NRXN2: variants seen among roughly 807,000 people sequenced by gnomAD.
NRXN2 encodes the protein neurexin-2-beta.
A neutral mutation model predicts 128.8 loss-of-function variants in NRXN2; 29 were observed. That is an observed-to-expected ratio of 0.23 (90% CI 0.17 to 0.31). The LOEUF is 0.31. Among genes scored for constraint, NRXN2 ranks in the 10% least tolerant of loss-of-function variants. The pLI is 1.00. For synonymous variants in NRXN2, 1,098 were observed against 1,075.2 expected, an observed-to-expected ratio of 1.02 and a Z score of -0.41; for missense variants, 1,881 against 2,452.6, an observed-to-expected ratio of 0.77 and a Z score of 4.92.
intron 2 of NRXN2, among the ~76,000 whole-genome samples, chr11:64,709,514 G>A (rs527566525): frequency 6.6e-6 from 1 of 152,180 alleles, no homozygotes; most frequent in African/African-American, 2.4e-5. Context: ...GAGAAAAGAA[G>A]GGAATCAGTA....
At chr11:64,712,644 C>A (rs2057043370) in intron 2 of NRXN2, 3 of 530,180 alleles carry the variant, frequency 5.7e-6, no homozygotes, top group Admixed American at 4.6e-5. Flanking sequence ...CCTCACAGAC[C>A]CTCACCCACC....
rs1164654238 is a variant in NRXN2, at chr11:64,607,778, C to T, written c.4557G>A (p.Leu1519=). ...ACAGGAGGGTGGTGCGGTCCGTGAC[C>T]AGGGGAAAGGTGGTGTAAAAGTCCT... ...DDEDFYTTFP[L]VTDRTTLLSP... is the part of the protein sequence containing the mutation. Residue 1519 remains leucine, a synonymous_variant, in exon 23 of 23, where the codon CTG becomes CTA. Transcript: ENST00000265459. 6.3e-7 allele frequency: 1 copy of T among 1,594,642 alleles called. No homozygotes were observed. Among genetic ancestry groups the T allele is most frequent in the South Asian group, 1.1e-5 (1 of 87,766 alleles).
At chr11:64,701,042 C>T (rs975196348) in intron 2 of NRXN2, among the ~76,000 whole-genome samples, 1 of 152,192 alleles carries the variant, frequency 6.6e-6, no homozygotes, top group African/African-American at 2.4e-5. Context: ...CCATTTCCAC[C>T]GGCACCGCCC....
chr11:64,668,367 G>C (rs1287918387), intron 8 of NRXN2, 76 bp downstream of exon 8: 15 of 1,579,536 alleles, frequency 9.5e-6, no homozygotes, highest in African/African-American at 1.3e-5. Flanking sequence ...AACTAGCCAG[G>C]TCAGACTAAG....
chr11:64,642,698 G>C, intron 17 of NRXN2: 1 of 1,521,508 alleles, frequency 6.6e-7, no homozygotes, highest in Non-Finnish European at 8.8e-7. Flanking sequence ...AGCGGCAACA[G>C]CGGCAGCAGA....
chr11:64,645,891 G>A (rs1420247835), intron 17 of NRXN2, among the ~76,000 whole-genome samples: 2 of 152,072 alleles, frequency 1.3e-5, no homozygotes, highest in African/African-American at 4.8e-5. Context: ...GCCTGCCTGC[G>A]CCCCCAGGGC....
chr11:64,701,506 C>T (rs1390827754), intron 2 of NRXN2, among the ~76,000 whole-genome samples: 4 of 152,254 alleles, frequency 2.6e-5, no homozygotes, highest in Non-Finnish European at 2.9e-5. Flanking sequence ...TGGGAAGCCA[C>T]GGTGGGAGGA....
chr11:64,648,718 T>A lies in NRXN2; in HGVS notation c.3283+16A>T. The A allele has an allele frequency of 6.2e-7, 1 of 1,612,852 alleles. No individual in the cohort carries two copies. The highest frequency in any genetic ancestry group is 8.5e-7 in the Non-Finnish European group (1 of 1,179,854). Reference sequence around the variant, plus strand: ...AGCCAGTAGGGCCACACCTCACTCCTCCACCCTCCACTCACCATCACAGCC... The same window carrying A: ...AGCCAGTAGGGCCACACCTCACTCCACCACCCTCCACTCACCATCACAGCC... On this transcript the variant is annotated intron_variant, in intron 16 of 22. Transcript: ENST00000265459. The surrounding 1 kb of genome is among the most constrained non-coding windows in gnomAD (Gnocchi z 4.1).
In NRXN2 at chr11:64,687,832, C is replaced by T. The variant is rs1040053808; in HGVS notation, c.851-1885G>A. ...CAGGAGATGGGAAGAGAGCCAGCAACGAAAGTGGACAGGGACCTCTAGGGA... is the reference window on the plus strand; with the variant it reads ...CAGGAGATGGGAAGAGAGCCAGCAATGAAAGTGGACAGGGACCTCTAGGGA... On this transcript the variant is annotated intron_variant, in intron 5 of 22. Transcript: ENST00000265459. 2.8e-4 allele frequency among the ~76,000 whole-genome samples: 42 copies of T among 152,120 alleles called. 1 individual carries two copies. The highest frequency in any genetic ancestry group is 9.7e-4 in the African/African-American group (40 of 41,424).
At position 64,630,722 on chromosome 11, in the gene NRXN2, G is replaced by A. The variant is rs2043784759; in HGVS notation, c.3586-149C>T. The A allele has an allele frequency of 2.2e-6, 2 of 888,896 alleles. No homozygotes were observed. Among genetic ancestry groups the A allele is most frequent in the South Asian group, 1.5e-5 (1 of 66,862 alleles). The allele number at this position is 888,896 out of a possible 1,614,324, so 55.1% of individuals were successfully genotyped here. A position where few individuals can be genotyped will look rare whatever the true frequency, so the allele number is the denominator to read the frequency against. On this transcript the variant is annotated intron_variant, in intron 18 of 22. Transcript: ENST00000265459. The surrounding 1 kb of genome is among the most constrained non-coding windows in gnomAD (Gnocchi z 4.6). ...ACCGCTGGAGGAGGTGGGCAGGCTC[G>A]CTCCCCTTCCCCACATGCAAGGGAG... is the stretch of plus-strand genomic sequence containing the variant.
At chr11:64,657,303 C>T (rs1014452882) in intron 11 of NRXN2, among the ~76,000 whole-genome samples, 3 of 152,110 alleles carry the variant, frequency 2.0e-5, no homozygotes, top group Non-Finnish European at 2.9e-5. Context: ...TTCAGAGATT[C>T]TTTACACTGC....
intron 2 of NRXN2, among the ~76,000 whole-genome samples, chr11:64,706,644 TCTA>T (rs1279371624): frequency 6.6e-6 from 1 of 152,160 alleles, no homozygotes; most frequent in Non-Finnish European, 1.5e-5. Flanking sequence ...TGCTTTAGGT[TCTA>T]CTATTCTCCC....
chr11:64,671,047 A>C (rs1444249915), intron 7 of NRXN2, among the ~76,000 whole-genome samples: 1 of 152,194 alleles, frequency 6.6e-6, no homozygotes, highest in African/African-American at 2.4e-5. Flanking sequence ...TGTGGGGTAG[A>C]GAAGAGGAAA....
rs1415156376 is a variant in NRXN2, at chr11:64,713,136, G to A, written c.564C>T (p.Pro188=). 5 of 1,435,642 alleles carry A rather than the reference G, an allele frequency of 3.5e-6. No homozygotes were observed. The highest frequency in any genetic ancestry group is 3.7e-6 in the Non-Finnish European group (4 of 1,094,406). The allele number at this position is 1,435,642 out of a possible 1,614,324, so 88.9% of individuals were successfully genotyped here. A position where few individuals can be genotyped will look rare whatever the true frequency, so the allele number is the denominator to read the frequency against. Residue 188 remains proline (P), a synonymous_variant, in exon 2 of 23, where the codon CCC becomes CCT. Coordinates refer to ENST00000265459, the MANE Select transcript of NRXN2 (RefSeq NM_015080.4). ...LLANLKLGER[P]PALLGSQGLR... is the part of the protein sequence containing the mutation. ...GGCCCTGGCTGCCCAGCAGCGCGGG[G>A]GGCCGCTCGCCCAGCTTCAGGTTGG...
intron 2 of NRXN2, among the ~76,000 whole-genome samples, chr11:64,700,538 A>C (rs1239766104): frequency 6.6e-6 from 1 of 152,138 alleles, no homozygotes; most frequent in Non-Finnish European, 1.5e-5. Flanking sequence ...GGTGTTATCT[A>C]TCGACTCTGT....
rs759630503 is a variant in NRXN2, at chr11:64,626,555, T to C, written c.3758-3A>G. ...CAGGCGCTCGTTATCAAAGTTTCCT[T>C]GGAAAAGTTTAGAAAGACAGTAGGT... is the stretch of plus-strand genomic sequence containing the variant. On this transcript the variant is annotated splice_polypyrimidine_tract_variant and splice_region_variant and intron_variant, in intron 19 of 22. Transcript: ENST00000265459. The C allele has an allele frequency of 6.2e-7, 1 of 1,613,074 alleles. No homozygotes were observed. Among genetic ancestry groups the C allele is most frequent in the Non-Finnish European group, 8.5e-7 (1 of 1,179,126 alleles).
intron 9 of NRXN2, among the ~76,000 whole-genome samples, chr11:64,661,871 A>G (rs943695889): frequency 2.6e-5 from 4 of 152,188 alleles, no homozygotes; most frequent in African/African-American, 9.7e-5. Flanking sequence ...GTGCACAAGC[A>G]GATTGGCTCC....
At chr11:64,716,991 A>G (rs1033783505) in intron 1 of NRXN2, among the ~76,000 whole-genome samples, 1 of 148,346 alleles carries the variant, frequency 6.7e-6, no homozygotes, top group African/African-American at 2.5e-5. Flanking sequence ...CCTCCAACCC[A>G]CCCTTCTCCC....
At chr11:64,645,118 T>G (rs562870566) in intron 17 of NRXN2, among the ~76,000 whole-genome samples, 1 of 152,282 alleles carries the variant, frequency 6.6e-6, no homozygotes, top group East Asian at 1.9e-4. Context: ...GGAGCAGGGC[T>G]GGGGCCCCCA....
Sources: allele counts gnomAD v4.1 joint callset (sites outside exome capture counted in the v4.1 genomes callset), GRCh38; gene constraint gnomAD v4.1.1; non-coding constraint Gnocchi (gnomAD v3.1); transcripts MANE v1.5; gene names NCBI Gene and HGNC (gene_info 2026-07-23, HGNC 2026-07-21).